ROBO2: variants seen among roughly 807,000 people sequenced by gnomAD.
ROBO2 encodes the protein roundabout homolog 2.
A neutral mutation model predicts 160.8 loss-of-function variants in ROBO2; 53 were observed. The ratio of observed to expected loss-of-function variants is 0.33; its 90% CI spans 0.26 to 0.41. The LOEUF (loss-of-function observed/expected upper bound fraction) is 0.41, where lower values mean the gene tolerates loss of function less well. Ranked by LOEUF, ROBO2 falls within the 10% of genes least tolerant of loss-of-function variation. The pLI is 1.00. For missense variants in ROBO2, 1,577 were observed against 1,722.4 expected (o/e 0.92, Z 1.49); for synonymous variants, 664 against 611.7 (o/e 1.09, Z -1.26).
At chr3:76,223,954 T>A (rs899587834) in intron 2 of ROBO2, among the ~76,000 whole-genome samples, 4 of 152,200 alleles carry the variant, frequency 2.6e-5, no homozygotes, top group Admixed American at 6.5e-5. Flanking sequence ...CTAATATAAA[T>A]ATTTTGCATA....
At chr3:76,052,721 C>A (rs1033918527) in intron 2 of ROBO2, among the ~76,000 whole-genome samples, 1 of 151,896 alleles carries the variant, frequency 6.6e-6, no homozygotes, top group African/African-American at 2.4e-5. Context: ...TTTGTGGTTC[C>A]AAATTGAAAT....
chr3:76,712,330 A>G (rs73115993), intron 2 of ROBO2, among the ~76,000 whole-genome samples: 1 of 152,134 alleles, frequency 6.6e-6, no homozygotes, highest in Non-Finnish European at 1.5e-5. Context: ...TTTATCTTCT[A>G]TAGTGTTATG....
At chr3:76,119,578 A>G (rs1320339233) in intron 2 of ROBO2, among the ~76,000 whole-genome samples, 1 of 151,966 alleles carries the variant, frequency 6.6e-6, no homozygotes, top group Non-Finnish European at 1.5e-5. Flanking sequence ...TTCTTACAAG[A>G]AGTTGTACTT....
intron 2 of ROBO2, among the ~76,000 whole-genome samples, chr3:76,651,069 A>C (rs773564360): frequency 1.5e-4 from 23 of 152,182 alleles, no homozygotes; most frequent in Admixed American, 2.6e-4. Flanking sequence ...CAAATGGCTT[A>C]AGTGGGCAAG....
At chr3:77,472,931 G>A (rs2083499914) in intron 2 of ROBO2, among the ~76,000 whole-genome samples, 1 of 152,028 alleles carries the variant, frequency 6.6e-6, no homozygotes, top group Admixed American at 6.5e-5. Context: ...TCCTTCGTCT[G>A]GGGTAATACC....
intron 5 of ROBO2, among the ~76,000 whole-genome samples, chr3:77,502,272 G>C (rs567590317): frequency 6.6e-6 from 1 of 152,178 alleles, no homozygotes; most frequent in African/African-American, 2.4e-5. Flanking sequence ...TGCTTGCCTA[G>C]AAGTAGAATT....
At chr3:76,579,912 C>T (rs1394273414) in intron 2 of ROBO2, among the ~76,000 whole-genome samples, 3 of 152,076 alleles carry the variant, frequency 2.0e-5, no homozygotes, top group Non-Finnish European at 2.9e-5. Context: ...ACATGTCATT[C>T]GACACTCAAA....
intron 2 of ROBO2, among the ~76,000 whole-genome samples, chr3:77,351,982 G>C (rs532744648): frequency 3.3e-5 from 5 of 151,762 alleles, no homozygotes. Flanking sequence ...AGCATTAGGA[G>C]ATATACCTAA....
At chr3:77,278,445 A>G (rs1471182175) in intron 2 of ROBO2, among the ~76,000 whole-genome samples, 1 of 152,146 alleles carries the variant, frequency 6.6e-6, no homozygotes. Flanking sequence ...ATAACACAAA[A>G]CACATAAACC....
intron 6 of ROBO2, 63 bp from the exon 7 acceptor site, chr3:77,527,340 A>C: frequency 8.2e-7 from 1 of 1,220,124 alleles, no homozygotes; most frequent in Non-Finnish European, 1.1e-6. Context: ...CATTCTGATA[A>C]TTTTTCTTTC....
chr3:77,544,584 A>T (rs2092621783), intron 6 of ROBO2, among the ~76,000 whole-genome samples: 1 of 152,060 alleles, frequency 6.6e-6, no homozygotes, highest in Admixed American at 6.6e-5. Context: ...CTACGCTAGG[A>T]TTCTTGTAAG....
chr3:77,477,328 T>A (rs914486223), intron 2 of ROBO2, 86 bp from the exon 3 acceptor site: 2 of 1,376,456 alleles, frequency 1.5e-6, no homozygotes, highest in African/African-American at 2.8e-5. Context: ...TAGAACAAGG[T>A]AAACAAGACT....
intron 13 of ROBO2, among the ~76,000 whole-genome samples, chr3:77,570,074 T>C (rs1489212195): frequency 6.6e-6 from 1 of 151,950 alleles, no homozygotes; most frequent in African/African-American, 2.4e-5. Context: ...CTTGAGTAGA[T>C]ACAAAACTAA....
chr3:76,604,193 A>T (rs963432318), intron 2 of ROBO2, among the ~76,000 whole-genome samples: 3 of 152,218 alleles, frequency 2.0e-5, no homozygotes, highest in Admixed American at 1.3e-4. Flanking sequence ...GATAGGGCAG[A>T]TAGAAATTGC....
At chr3:76,761,174 AC>A (rs1440371691) in intron 2 of ROBO2, among the ~76,000 whole-genome samples, 1 of 151,806 alleles carries the variant, frequency 6.6e-6, no homozygotes. Context: ...ATAGCAGTGG[AC>A]AAACCCTTAT....
chr3:76,920,162 G>A (rs1474554221), intron 2 of ROBO2, among the ~76,000 whole-genome samples: 1 of 146,372 alleles, frequency 6.8e-6, no homozygotes, highest in East Asian at 2.0e-4. Context: ...GTGACTTAAT[G>A]TTTTCTCTTT....
chr3:76,560,243 A>G (rs1356229065), intron 2 of ROBO2, among the ~76,000 whole-genome samples: 10 of 152,114 alleles, frequency 6.6e-5, no homozygotes, highest in African/African-American at 2.4e-4. Context: ...TGGACACAAG[A>G]TAATTTATTT....
rs540438488 is a variant in ROBO2, at chr3:76,259,158, T to C, written c.109+321556T>C. ...GTGTTTTTTGTTTTGTTTTGTTTTG[T>C]TTTGCTTTTTGTTTTTTAAATATAT... is the stretch of plus-strand genomic sequence containing the variant. On this transcript the variant is annotated intron_variant, in intron 2 of 26. Coordinates refer to the ROBO2 transcript ENST00000487694. 1.5e-3 allele frequency among the ~76,000 whole-genome samples: 226 copies of C among 152,224 alleles called. 1 individual carries two copies. The highest frequency in any genetic ancestry group is 5.1e-3 in the African/African-American group (214 of 41,564).
At chr3:76,243,785 AAATAT>A (rs1326031790) in intron 2 of ROBO2, among the ~76,000 whole-genome samples, 1 of 152,242 alleles carries the variant, frequency 6.6e-6, no homozygotes, top group Non-Finnish European at 1.5e-5. Context: ...TGCAGTGAAC[AAATAT>A]AATATTATCT....
Sources: allele counts gnomAD v4.1 joint callset (sites outside exome capture counted in the v4.1 genomes callset), GRCh38; gene constraint gnomAD v4.1.1; transcripts MANE v1.5; gene names NCBI Gene and HGNC (gene_info 2026-07-23, HGNC 2026-07-21).